Variants in SPOCK3 observed in about 807,000 individuals in gnomAD.
SPOCK3 encodes SPARC (osteonectin), cwcv and kazal like domains proteoglycan 3, also known as testican-3.
SPOCK3 carries 30 observed loss-of-function variants against 56.6 expected under a neutral mutation model. The ratio of observed to expected loss-of-function variants is 0.53; its 90% CI spans 0.40 to 0.72. The LOEUF (loss-of-function observed/expected upper bound fraction) is 0.72. Ranked by LOEUF, SPOCK3 falls within the 30% of genes least tolerant of loss-of-function variation. SPOCK3 has a pLI of 0.00. For missense variants in SPOCK3, 527 were observed against 530.0 expected, an observed-to-expected ratio of 0.99 and a Z score of 0.06; for synonymous variants, 196 against 183.3, an observed-to-expected ratio of 1.07 and a Z score of -0.56.
Position 166,914,509 on chromosome 4 carries a change from G to A in SPOCK3, c.351-1766C>T, listed in dbSNP as rs1482319308. Among the ~76,000 whole-genome samples the A allele has an allele frequency of 2.6e-5, 4 of 152,166 alleles. No homozygotes were observed. In the East Asian group the frequency reaches 5.8e-4, roughly 22 times the overall value. On this transcript the variant is annotated intron_variant, in intron 4 of 10. Transcript: ENST00000357545. ...GATTTGGCTGGGCACGTTGGCTCACGCCTGTAATCCCAGTGCTGTGGGAGG... is the reference window on the plus strand; with the variant it reads ...GATTTGGCTGGGCACGTTGGCTCACACCTGTAATCCCAGTGCTGTGGGAGG...
chr4:166,769,874 A>C (rs927424422), intron 7 of SPOCK3, among the ~76,000 whole-genome samples: 1 of 152,050 alleles, frequency 6.6e-6, no homozygotes, highest in African/African-American at 2.4e-5. Flanking sequence ...TACCTACTCA[A>C]GCCTCAGCAA....
At chr4:166,825,359 A>G (rs1745349249) in intron 6 of SPOCK3, among the ~76,000 whole-genome samples, 1 of 152,106 alleles carries the variant, frequency 6.6e-6, no homozygotes, top group Non-Finnish European at 1.5e-5. Context: ...TGCAAATCTT[A>G]TCTATACTCA....
At chr4:166,854,892 G>C (rs1730491517) in intron 6 of SPOCK3, among the ~76,000 whole-genome samples, 1 of 152,108 alleles carries the variant, frequency 6.6e-6, no homozygotes, top group African/African-American at 2.4e-5. Flanking sequence ...TTATCACCAG[G>C]AGTATTACGT....
At chr4:166,752,639 G>A (rs1736570084) in intron 8 of SPOCK3, among the ~76,000 whole-genome samples, 1 of 148,470 alleles carries the variant, frequency 6.7e-6, no homozygotes, top group Non-Finnish European at 1.5e-5. Flanking sequence ...CAGTAAACAA[G>A]AATTTCAGGA....
At chr4:166,922,365 A>G (rs1426961191) in intron 4 of SPOCK3, among the ~76,000 whole-genome samples, 1 of 152,200 alleles carries the variant, frequency 6.6e-6, no homozygotes, top group Non-Finnish European at 1.5e-5. Flanking sequence ...CTAAGAAGTG[A>G]TAAGGACAAT....
chr4:167,233,833 G>T, intron 2 of SPOCK3, 152 bp downstream of exon 2: 1 of 674,584 alleles, frequency 1.5e-6, no homozygotes, highest in Non-Finnish European at 2.6e-6. Flanking sequence ...CAGCGGAACT[G>T]TGAACTTCTC....
chr4:167,212,446 T>A (rs1191283555), intron 2 of SPOCK3, among the ~76,000 whole-genome samples: 1 of 152,078 alleles, frequency 6.6e-6, no homozygotes, highest in African/African-American at 2.4e-5. Flanking sequence ...TTCATCATGT[T>A]GGCCAGGACT....
intron 6 of SPOCK3, among the ~76,000 whole-genome samples, chr4:166,882,632 T>C (rs1382267113): frequency 6.6e-6 from 1 of 152,228 alleles, no homozygotes; most frequent in Non-Finnish European, 1.5e-5. Context: ...TTATATCTGA[T>C]AACATACAAC....
chr4:167,099,572 C>T (rs1366197377), intron 2 of SPOCK3, among the ~76,000 whole-genome samples: 3 of 151,996 alleles, frequency 2.0e-5, no homozygotes, highest in Admixed American at 6.6e-5. Context: ...GTGGCATATA[C>T]CCAAAGCTAT....
rs573012752 is a variant in SPOCK3 at position 167,158,675 on chromosome 4, GTTCAA to G, written c.189+75305_189+75309del. ...CTAAGATTATTACAGTTTTCACATA[GTTCAA>G]TTCAAAGAAACTCTATTTACTTGAA... On this transcript the variant is annotated intron_variant, in intron 2 of 10. Transcript: ENST00000357545. Among the ~76,000 whole-genome samples the G allele has an allele frequency of 8.5e-5, 13 of 152,064 alleles. 1 individual carries two copies. In the South Asian group the frequency reaches 2.3e-3, roughly 27 times the overall value.
At chr4:166,900,825 G>A (rs1193922313) in intron 5 of SPOCK3, among the ~76,000 whole-genome samples, 2 of 152,108 alleles carry the variant, frequency 1.3e-5, no homozygotes, top group Non-Finnish European at 2.9e-5. Context: ...GATCGTAATG[G>A]GACCCACTAA....
At chr4:166,766,932 G>C (rs6814271) in intron 7 of SPOCK3, among the ~76,000 whole-genome samples, 1 of 151,932 alleles carries the variant, frequency 6.6e-6, no homozygotes, top group African/African-American at 2.4e-5. Flanking sequence ...TGTATTTGTC[G>C]AGGAATTTAT....
At chr4:167,124,473 TG>T (rs1762113305) in intron 2 of SPOCK3, among the ~76,000 whole-genome samples, 1 of 152,194 alleles carries the variant, frequency 6.6e-6, no homozygotes, top group South Asian at 2.1e-4. Flanking sequence ...ACAGAAAGTC[TG>T]TTCTTCTAGT....
intron 6 of SPOCK3, among the ~76,000 whole-genome samples, chr4:166,850,177 T>C (rs975612112): frequency 6.6e-6 from 1 of 152,212 alleles, no homozygotes; most frequent in African/African-American, 2.4e-5. Context: ...TCCATAGCAA[T>C]TGCATCATTT....
chr4:166,901,759 C>T (rs1262924483), intron 5 of SPOCK3, among the ~76,000 whole-genome samples: 3 of 152,122 alleles, frequency 2.0e-5, no homozygotes, highest in Admixed American at 6.6e-5. Context: ...ATTTATGCGA[C>T]GTGTCCAGGA....
At chr4:166,825,685 A>T (rs1174208580) in intron 6 of SPOCK3, among the ~76,000 whole-genome samples, 1 of 152,106 alleles carries the variant, frequency 6.6e-6, no homozygotes, top group African/African-American at 2.4e-5. Flanking sequence ...TATACCATAA[A>T]AAAAGTGGTA....
chr4:166,835,732 G>C (rs1284378649), intron 6 of SPOCK3, among the ~76,000 whole-genome samples: 1 of 152,120 alleles, frequency 6.6e-6, no homozygotes, highest in Admixed American at 6.6e-5. Context: ...GTTTTGGCCG[G>C]GCATGGTGGC....
rs771665694 is a variant in SPOCK3, at chr4:166,831,771, TA to T, written c.590-39483del. On this transcript the variant is annotated intron_variant, in intron 6 of 10. Coordinates refer to ENST00000357545, the MANE Select transcript of SPOCK3 (RefSeq NM_001040159.2). ...TTCTCCATTTTTGTTTTTTTTTTTTTAAATTTCATTTATTTCTGCTCTTCTC... is the reference window on the plus strand; with the variant it reads ...TTCTCCATTTTTGTTTTTTTTTTTTTAATTTCATTTATTTCTGCTCTTCTC... Among the ~76,000 whole-genome samples the T allele has an allele frequency of 7.4e-3, 1,081 of 146,736 alleles. 12 individuals are homozygous for T. Among genetic ancestry groups the T allele is most frequent in the African/African-American group, 0.024 (963 of 40,494 alleles).
At chr4:167,225,719 T>C (rs1338085853) in intron 2 of SPOCK3, among the ~76,000 whole-genome samples, 1 of 152,002 alleles carries the variant, frequency 6.6e-6, no homozygotes, top group Non-Finnish European at 1.5e-5. Context: ...CATCTCTGTT[T>C]ATGATTCAGT....
Sources: gnomAD v4.1 joint callset for allele counts (sites outside exome capture counted in the v4.1 genomes callset) on GRCh38, gnomAD v4.1.1 for gene constraint, MANE v1.5 for transcripts, NCBI Gene and HGNC (gene_info 2026-07-23, HGNC 2026-07-21) for gene names.